The following DNAJB2 variants were observed in gnomAD, a reference collection of about 807,000 sequenced individuals.
The protein encoded by DNAJB2 is DnaJ heat shock protein family (Hsp40) member B2.
Under a neutral mutation model 33.3 loss-of-function variants are expected in DNAJB2, and 19 were observed. The observed-to-expected ratio is 0.57, with a 90% confidence interval of 0.40 to 0.84. The LOEUF is 0.84. DNAJB2 is among the 40% of genes least tolerant of loss of function. The pLI, the probability that DNAJB2 is intolerant of heterozygous loss-of-function variation, is 0.00. For synonymous variants in DNAJB2, 172 were observed against 164.6 expected (o/e 1.04, Z -0.34); for missense variants, 368 against 430.9 (o/e 0.85, Z 1.29).
At chr2:219,282,998 T>G (rs1951919761) in intron 6 of DNAJB2, 69 bp downstream of exon 6, 7 of 1,566,936 alleles carry the variant, frequency 4.5e-6, no homozygotes, top group Non-Finnish European at 5.2e-6. Context: ...CTTGTTGCTT[T>G]TCCAAGCCTG....
intron 8 of DNAJB2, 80 bp from the exon 9 acceptor site, chr2:219,284,552 G>A (rs1951936153): frequency 6.6e-7 from 1 of 1,505,350 alleles, no homozygotes; most frequent in African/African-American, 1.4e-5. Context: ...TAAGTGGTCA[G>A]GGTTGTTACT....
In DNAJB2 at chr2:219,285,662, G is replaced by A. The variant is rs1216704071; in HGVS notation, c.*675G>A. 1.5e-5 allele frequency: 17 copies of A among 1,167,592 alleles called. No homozygotes were observed. The highest frequency in any genetic ancestry group is 1.7e-5 in the Non-Finnish European group (16 of 943,702). 72.3% of individuals were successfully genotyped at this position (1,167,592 alleles called of 1,614,324 possible). A position where few individuals can be genotyped will look rare whatever the true frequency, so the allele number is the denominator to read the frequency against. ...GGCCGGTAGGGCTGTGAGATCTTCTGGGGAGGCTAGCCGGGTGGGGCGGGA... is the reference window on the plus strand; with the variant it reads ...GGCCGGTAGGGCTGTGAGATCTTCTAGGGAGGCTAGCCGGGTGGGGCGGGA... On this transcript the variant is annotated 3_prime_UTR_variant, in exon 9 of 9. Transcript: ENST00000336576.
chr2:219,281,756 G>C lies in DNAJB2; in HGVS notation c.214G>C (p.Gly72Arg). 6.2e-7 allele frequency: 1 copy of C among 1,614,090 alleles called. No homozygotes were observed. The highest frequency in any genetic ancestry group is 8.5e-7 in the Non-Finnish European group (1 of 1,180,042). Residue 72 changes from glycine to arginine, a missense_variant, in exon 4 of 9, where the codon GGG becomes CGG. Transcript: ENST00000336576. ...REIYDRYGRE[G>R]LTGTGTGPSR... ...GATTTACGACCGCTATGGCCGGGAA[G>C]GGCTGACAGGGACAGGTAGGTGGAG...
At position 219,279,868 on chromosome 2, in the gene DNAJB2, G is replaced by A. The variant is rs760873950; in HGVS notation, c.35G>A (p.Arg12Gln). 2 of 1,613,968 alleles carry A rather than the reference G, an allele frequency of 1.2e-6. No homozygotes were observed. Among genetic ancestry groups the A allele is most frequent in the Non-Finnish European group, 1.7e-6 (2 of 1,179,988 alleles). Reference sequence around the variant, plus strand: ...TACTACGAGATCCTAGACGTGCCGCGAAGTGCGTCCGCTGATGACATCAAG... The same window carrying A: ...TACTACGAGATCCTAGACGTGCCGCAAAGTGCGTCCGCTGATGACATCAAG... ...ASYYEILDVP[R>Q]SASADDIKKA... Residue 12 changes from arginine (R) to glutamine (Q), a missense_variant, in exon 2 of 9, where the codon CGA becomes CAA. Transcript: ENST00000336576. This position sits in a 1 kb window ranked among gnomAD's most constrained non-coding sequence, Gnocchi z 4.9.
At position 219,281,737 on chromosome 2, in the gene DNAJB2, C is replaced by T. The variant is rs116719245; in HGVS notation, c.195C>T (p.Tyr65=). 1.5e-3 allele frequency: 2,433 copies of T among 1,613,964 alleles called. 8 individuals are homozygous for T. The highest frequency in any genetic ancestry group is 2.0e-3 in the Non-Finnish European group (2,310 of 1,180,022). ...TTGCAGAGCACAAGCGGGAGATTTA[C>T]GACCGCTATGGCCGGGAAGGGCTGA... is the stretch of plus-strand genomic sequence containing the variant. ...VLSDKHKREI[Y]DRYGREGLTG... is the part of the protein sequence containing the mutation. The change falls in exon 4 of 9, where the codon TAC becomes TAT. Residue 65 remains tyrosine (Y), a synonymous_variant. Coordinates refer to ENST00000336576, the MANE Select transcript of DNAJB2 (RefSeq NM_006736.6).
Position 219,281,768 on chromosome 2 carries a change from A to C in DNAJB2, c.226A>C (p.Thr76Pro), listed in dbSNP as rs1247249384. 8.1e-6 allele frequency: 13 copies of C among 1,613,920 alleles called. No individual in the cohort carries two copies. Among genetic ancestry groups the C allele is most frequent in the African/African-American group, 1.3e-5 (1 of 74,926 alleles). The change falls in exon 4 of 9, where the codon ACA (threonine) becomes CCA (proline). Residue 76 changes from threonine (T) to proline (P), a missense_variant. Coordinates refer to ENST00000336576, the MANE Select transcript of DNAJB2 (RefSeq NM_006736.6). ...CTATGGCCGGGAAGGGCTGACAGGG[A>C]CAGGTAGGTGGAGTGGTGAGGCCCA... ...DRYGREGLTGTGTGPSRAEAG... is the reference protein window; with the variant it reads ...DRYGREGLTGPGTGPSRAEAG...
At chr2:219,284,127 G>A (rs898362437) in intron 8 of DNAJB2, among the ~76,000 whole-genome samples, 3 of 152,012 alleles carry the variant, frequency 2.0e-5, no homozygotes, top group East Asian at 1.9e-4. Flanking sequence ...AAACAGGGTC[G>A]TGCTCAGCCC....
intron 5 of DNAJB2, chr2:219,282,602 C>T (rs1951915469): frequency 4.4e-6 from 2 of 452,254 alleles, no homozygotes; most frequent in Middle Eastern, 4.9e-4. Context: ...AGCCATCTGT[C>T]CTCCATCCCT....
Position 219,279,686 on chromosome 2 carries a change from C to T in DNAJB2, c.-36-112C>T, listed in dbSNP as rs554330053. On this transcript the variant is annotated intron_variant, in intron 1 of 8. Coordinates refer to ENST00000336576, the MANE Select transcript of DNAJB2 (RefSeq NM_006736.6). This position sits in a 1 kb window ranked among gnomAD's most constrained non-coding sequence, Gnocchi z 4.9. Reference sequence around the variant, plus strand: ...CTAGTCACCGGCCGCAAGCAGAGCCCGGTGTGCTCCGCTTCCAACTGGGAG... The same window carrying T: ...CTAGTCACCGGCCGCAAGCAGAGCCTGGTGTGCTCCGCTTCCAACTGGGAG... 44 of 775,512 alleles carry T rather than the reference C, an allele frequency of 5.7e-5. No homozygotes were observed. The highest frequency in any genetic ancestry group is 1.2e-4 in the African/African-American group (7 of 57,768). 48.0% of individuals were successfully genotyped at this position (775,512 alleles called of 1,614,324 possible). A position where few individuals can be genotyped will look rare whatever the true frequency, so the allele number is the denominator to read the frequency against.
chr2:219,286,101 G>T lies in DNAJB2; in HGVS notation c.*1114G>T. On this transcript the variant is annotated 3_prime_UTR_variant, in exon 9 of 9. Coordinates refer to ENST00000336576, the MANE Select transcript of DNAJB2 (RefSeq NM_006736.6). The stretch of plus-strand genomic sequence containing the variant: ...CATTTCTCCCCCTCACCCATGCTGA[G>T]TGTAGAGCCGGGGCCTGGGTGGCGG... 9.0e-7 allele frequency: 1 copy of T among 1,110,798 alleles called. No individual in the cohort carries two copies. Among genetic ancestry groups the T allele is most frequent in the Non-Finnish European group, 1.2e-6 (1 of 824,346 alleles). The allele number at this position is 1,110,798 out of a possible 1,614,324, so 68.8% of individuals were successfully genotyped here.
rs1269324204 is a variant in DNAJB2 at position 219,280,706 on chromosome 2, C to G, written c.175+19C>G. 2 of 1,559,408 alleles carry G rather than the reference C, an allele frequency of 1.3e-6. No individual in the cohort carries two copies. The highest frequency in any genetic ancestry group is 1.8e-6 in the Non-Finnish European group (2 of 1,131,624). On this transcript the variant is annotated intron_variant, in intron 3 of 8. Coordinates refer to ENST00000336576, the MANE Select transcript of DNAJB2 (RefSeq NM_006736.6). ...TCTGACAGTAAGGGCCGGGGTCAGG[C>G]AGGACCCAGCACATCACCCCCTACT...
At position 219,279,443 on chromosome 2, in the gene DNAJB2, G is replaced by T. The variant is rs1574898649; in HGVS notation, c.-112G>T. 1 of 184,514 alleles carries T rather than the reference G, an allele frequency of 5.4e-6. No individual in the cohort carries two copies. Among genetic ancestry groups the T allele is most frequent in the East Asian group, 1.6e-4 (1 of 6,186 alleles). The allele number at this position is 184,514 out of a possible 1,614,324, so 11.4% of individuals were successfully genotyped here. On this transcript the variant is annotated 5_prime_UTR_variant, in exon 1 of 9. Transcript: ENST00000336576. This position sits in a 1 kb window ranked among gnomAD's most constrained non-coding sequence, Gnocchi z 4.9. ...GTCCTACGCAGCAGCCGCGAGCCGG[G>T]CTGCGGGTGCCAGACGGTTCCCGGC...
intron 2 of DNAJB2, chr2:219,280,185 T>C: frequency 4.0e-6 from 2 of 501,726 alleles, no homozygotes; most frequent in Non-Finnish European, 7.2e-6. Context: ...TCCCCTCCCC[T>C]CCCCCTTCCC....
At chr2:219,281,862 T>C in intron 4 of DNAJB2, 77 bp from the exon 5 acceptor site, 1 of 1,605,580 alleles carries the variant, frequency 6.2e-7, no homozygotes, top group Non-Finnish European at 8.5e-7. Context: ...CTCAGGCTCC[T>C]GGCTGTGCCT....
Position 219,285,059 on chromosome 2 carries a change from G to A in DNAJB2, c.*72G>A. 1 of 1,423,172 alleles carries A rather than the reference G, an allele frequency of 7.0e-7. No homozygotes were observed. Among genetic ancestry groups the A allele is most frequent in the East Asian group, 2.5e-5 (1 of 39,560 alleles). The allele number at this position is 1,423,172 out of a possible 1,614,324, so 88.2% of individuals were successfully genotyped here. ...GACTCACTGTGGGAAGAGAAGAGGGGAGTATCCTGAGTTGTAGGAACTGCT... is the reference window on the plus strand; with the variant it reads ...GACTCACTGTGGGAAGAGAAGAGGGAAGTATCCTGAGTTGTAGGAACTGCT... On this transcript the variant is annotated 3_prime_UTR_variant, in exon 9 of 9. Transcript: ENST00000336576.
Position 219,284,782 on chromosome 2 carries a change from T to C in DNAJB2, c.770T>C (p.Leu257Pro). The C allele has an allele frequency of 1.9e-6, 3 of 1,613,336 alleles. No homozygotes were observed. The highest frequency in any genetic ancestry group is 2.5e-6 in the Non-Finnish European group (3 of 1,179,860). ...SDLSEDEDLQ[L>P]AMAYSLSEME... Reference sequence around the variant, plus strand: ...CTCTCTGAGGATGAGGACCTGCAGCTGGCCATGGCCTACAGCCTGTCAGAG... The same window carrying C: ...CTCTCTGAGGATGAGGACCTGCAGCCGGCCATGGCCTACAGCCTGTCAGAG... Residue 257 changes from leucine to proline, a missense_variant, in exon 9 of 9, where the codon CTG becomes CCG. Physicochemically the swap from Leu to Pro is moderately conservative, Grantham distance 98. Coordinates refer to ENST00000336576, the MANE Select transcript of DNAJB2 (RefSeq NM_006736.6).
chr2:219,284,529 A>C, intron 8 of DNAJB2, 103 bp from the exon 9 acceptor site: 1 of 1,428,574 alleles, frequency 7.0e-7, no homozygotes, highest in Non-Finnish European at 9.4e-7. Context: ...TGCCAATTCC[A>C]AATAAGAGAC....
rs1322194084 is a variant in DNAJB2, at chr2:219,281,729, G to A, written c.187G>A (p.Glu63Lys). The A allele has an allele frequency of 6.8e-6, 11 of 1,614,090 alleles. No individual in the cohort carries two copies. The highest frequency in any genetic ancestry group is 9.3e-6 in the Non-Finnish European group (11 of 1,180,042). The change falls in exon 4 of 9, where the codon GAG (glutamate) becomes AAG (lysine). Residue 63 changes from glutamate to lysine, a missense_variant. Glu to Lys is a moderately conservative substitution (Grantham distance 56). Transcript: ENST00000336576. ...GTCTCTTTTTGCAGAGCACAAGCGG[G>A]AGATTTACGACCGCTATGGCCGGGA... The part of the protein sequence containing the change: ...YEVLSDKHKR[E>K]IYDRYGREGL...
Position 219,279,952 on chromosome 2 carries a change from A to T in DNAJB2, c.65+54A>T. 1 of 1,597,862 alleles carries T rather than the reference A, an allele frequency of 6.3e-7. No individual in the cohort carries two copies. Among genetic ancestry groups the T allele is most frequent in the Non-Finnish European group, 8.6e-7 (1 of 1,167,296 alleles). ...CTCTCACCCTCCACCCGCCACCACC[A>T]TGGGGCACTTCAGAGTGACACCTGT... is the stretch of plus-strand genomic sequence containing the variant. On this transcript the variant is annotated intron_variant, in intron 2 of 8. Coordinates refer to ENST00000336576, the MANE Select transcript of DNAJB2 (RefSeq NM_006736.6). This position sits in a 1 kb window ranked among gnomAD's most constrained non-coding sequence, Gnocchi z 4.9.
Sources: allele counts gnomAD v4.1 joint callset (sites outside exome capture counted in the v4.1 genomes callset), GRCh38; gene constraint gnomAD v4.1.1; non-coding constraint Gnocchi (gnomAD v3.1); transcripts MANE v1.5; gene names NCBI Gene and HGNC (gene_info 2026-07-23, HGNC 2026-07-21).